The following MEGF11 variants were observed in gnomAD, a reference collection of about 807,000 sequenced individuals.
MEGF11 encodes the protein multiple epidermal growth factor-like domains protein 11.
Under a neutral mutation model 146.6 loss-of-function variants are expected in MEGF11, and 126 were observed. That is an observed-to-expected ratio of 0.86 (90% CI 0.74 to 1.00). The LOEUF (loss-of-function observed/expected upper bound fraction) is 1.00. MEGF11 is among the 50% of genes least tolerant of loss of function. The pLI is 0.00. For synonymous variants in MEGF11, 532 were observed against 583.4 expected (o/e 0.91, Z 1.27); for missense variants, 1,509 against 1,521.2 (o/e 0.99, Z 0.13).
chr15:66,233,805 C>T (rs932281886), intron 1 of MEGF11, among the ~76,000 whole-genome samples: 1 of 152,082 alleles, frequency 6.6e-6, no homozygotes, highest in African/African-American at 2.4e-5. Flanking sequence ...AGCATGTGAC[C>T]CAGTTCTGGC....
At chr15:66,011,700 T>C (rs2082715885) in intron 5 of MEGF11, among the ~76,000 whole-genome samples, 1 of 145,488 alleles carries the variant, frequency 6.9e-6, no homozygotes, top group African/African-American at 2.5e-5. Context: ...GCAGTGAGAA[T>C]GGACCCCCAG....
At chr15:66,065,916 G>C (rs1228682085) in intron 5 of MEGF11, among the ~76,000 whole-genome samples, 1 of 152,162 alleles carries the variant, frequency 6.6e-6, no homozygotes, top group African/African-American at 2.4e-5. Flanking sequence ...AGAGGGGCTG[G>C]GGCCTGGGGT....
At chr15:66,094,025 C>T (rs981919423) in intron 5 of MEGF11, among the ~76,000 whole-genome samples, 1 of 152,160 alleles carries the variant, frequency 6.6e-6, no homozygotes, top group African/African-American at 2.4e-5. Context: ...AGCTTTTGGA[C>T]CAGTGAACCT....
rs564389265 is a variant in MEGF11, at chr15:65,917,865, C to T, written c.2086+101G>A. ...CCTACATGCAGAAGGAGATTTCATCCCTGGAAGTGGAGGCACCAGGACAGA... is the reference window on the plus strand; with the variant it reads ...CCTACATGCAGAAGGAGATTTCATCTCTGGAAGTGGAGGCACCAGGACAGA... On this transcript the variant is annotated intron_variant, in intron 16 of 25. Transcript: ENST00000395614. The T allele has an allele frequency of 4.2e-6, 6 of 1,416,882 alleles. No homozygotes were observed. The Middle Eastern group carries it at 5.3e-4, about 126-fold the overall frequency. 87.8% of individuals were successfully genotyped at this position (1,416,882 alleles called of 1,614,324 possible).
chr15:65,899,682 C>T (rs577287875), intron 24 of MEGF11, among the ~76,000 whole-genome samples: 173 of 152,314 alleles, frequency 1.1e-3, no homozygotes, highest in African/African-American at 4.0e-3. Flanking sequence ...GTAAAAAGCA[C>T]GTCAGTCTTA....
Position 65,928,420 on chromosome 15 carries a change from G to C in MEGF11, c.1675+5C>G. On this transcript the variant is annotated splice_donor_5th_base_variant and intron_variant, in intron 13 of 25. Transcript: ENST00000395614. ...CTGGGTGGTGGCACAGCAAGGGAAGGTTACCTGTCCATCCGGCCAGGCAGC... is the reference window on the plus strand; with the variant it reads ...CTGGGTGGTGGCACAGCAAGGGAAGCTTACCTGTCCATCCGGCCAGGCAGC... 1 of 1,582,828 alleles carries C rather than the reference G, an allele frequency of 6.3e-7. No homozygotes were observed. The highest frequency in any genetic ancestry group is 8.6e-7 in the Non-Finnish European group (1 of 1,160,298).
At chr15:65,992,180 G>A (rs960479941) in intron 5 of MEGF11, among the ~76,000 whole-genome samples, 14 of 152,184 alleles carry the variant, frequency 9.2e-5, no homozygotes, top group Non-Finnish European at 1.5e-5. Context: ...CTCTATTGCC[G>A]TAGCTTCCAC....
chr15:66,216,806 G>A (rs2091597530), intron 1 of MEGF11, among the ~76,000 whole-genome samples: 1 of 152,220 alleles, frequency 6.6e-6, no homozygotes, highest in Non-Finnish European at 1.5e-5. Flanking sequence ...ACCCCCTTCA[G>A]GACTGAGGCA....
rs73477588 is a variant in MEGF11, at chr15:66,241,330, C to T, written c.-9+12275G>A. On this transcript the variant is annotated intron_variant, in intron 1 of 25. Transcript: ENST00000395614. ...GGGCTTCTATCCTGCCCTACCCTCC[C>T]GGTTCTGGGAGAGTGGTCTGGACCA... is the stretch of plus-strand genomic sequence containing the variant. 8.3e-3 allele frequency among the ~76,000 whole-genome samples: 1,267 copies of T among 152,268 alleles called. 19 individuals carry two copies. The highest frequency in any genetic ancestry group is 0.029 in the African/African-American group (1,205 of 41,566).
In MEGF11 at chr15:65,898,966, C is replaced by G; in HGVS notation, c.3056-32G>C. The G allele has an allele frequency of 1.9e-6, 3 of 1,607,384 alleles. No individual in the cohort carries two copies. In the African/African-American group the frequency reaches 4.0e-5, roughly 21 times the overall value. ...GGCAAGAGACATTTCTTAGGACAAGCAAGAATACAAGTCTTCATGTTAATA... is the reference window on the plus strand; with the variant it reads ...GGCAAGAGACATTTCTTAGGACAAGGAAGAATACAAGTCTTCATGTTAATA... On this transcript the variant is annotated intron_variant, in intron 24 of 25. Coordinates refer to ENST00000395614, the MANE Select transcript of MEGF11 (RefSeq NM_001385028.1).
intron 1 of MEGF11, among the ~76,000 whole-genome samples, chr15:66,155,795 C>T (rs986184665): frequency 1.2e-4 from 19 of 152,320 alleles, no homozygotes; most frequent in African/African-American, 4.3e-4. Context: ...AGGTGGAGCC[C>T]AAGTCTGTGT....
intron 1 of MEGF11, among the ~76,000 whole-genome samples, chr15:66,236,923 T>C (rs2092106426): frequency 6.6e-6 from 1 of 152,132 alleles, no homozygotes; most frequent in African/African-American, 2.4e-5. Flanking sequence ...ATCTCAATCT[T>C]GATATTCACC....
intron 1 of MEGF11, among the ~76,000 whole-genome samples, chr15:66,195,014 T>TG (rs1567279627): frequency 1.3e-5 from 2 of 150,750 alleles, no homozygotes; most frequent in African/African-American, 2.5e-5. Flanking sequence ...CCATTGTCCT[T>TG]GAAAAAAAAA....
chr15:66,237,174 C>T (rs755359314), intron 1 of MEGF11, among the ~76,000 whole-genome samples: 4 of 152,158 alleles, frequency 2.6e-5, no homozygotes, highest in African/African-American at 9.7e-5. Flanking sequence ...CCAGCGCTCT[C>T]GTGATTCACA....
intron 5 of MEGF11, among the ~76,000 whole-genome samples, chr15:66,019,003 C>T (rs531699103): frequency 5.2e-4 from 79 of 152,336 alleles, no homozygotes; most frequent in Middle Eastern, 3.4e-3. Context: ...TAGATGGCTT[C>T]GGAAGGTCCA....
intron 1 of MEGF11, among the ~76,000 whole-genome samples, chr15:66,129,678 T>A (rs951580694): frequency 6.6e-6 from 1 of 152,066 alleles, no homozygotes; most frequent in African/African-American, 2.4e-5. Flanking sequence ...CGGCATGTAT[T>A]TTGCACACAC....
intron 5 of MEGF11, among the ~76,000 whole-genome samples, chr15:65,997,668 C>G (rs2082242695): frequency 6.6e-6 from 1 of 152,140 alleles, no homozygotes; most frequent in South Asian, 2.1e-4. Context: ...AGGGCAGGGG[C>G]TCTGTTTTAT....
intron 10 of MEGF11, among the ~76,000 whole-genome samples, chr15:65,956,924 A>G (rs917454137): frequency 6.6e-6 from 1 of 152,028 alleles, no homozygotes; most frequent in Admixed American, 6.5e-5. Flanking sequence ...GTGTAGATTT[A>G]TAGAACACTT....
intron 5 of MEGF11, among the ~76,000 whole-genome samples, chr15:66,075,668 C>T (rs1198690508): frequency 1.3e-5 from 2 of 152,228 alleles, no homozygotes; most frequent in Admixed American, 1.3e-4. Context: ...CCAGATCTCA[C>T]AGCCACTGAT....
Sources: allele counts gnomAD v4.1 joint callset (sites outside exome capture counted in the v4.1 genomes callset), GRCh38; gene constraint gnomAD v4.1.1; transcripts MANE v1.5; gene names NCBI Gene and HGNC (gene_info 2026-07-23, HGNC 2026-07-21).